The following DLGAP2 variants were observed in gnomAD, a reference collection of about 807,000 sequenced individuals.
DLGAP2 encodes the protein DLG associated protein 2, also known as disks large-associated protein 2.
In DLGAP2, 26 loss-of-function variants were observed where a neutral mutation model predicts 100.3. That is an observed-to-expected ratio of 0.26 (90% confidence interval 0.19 to 0.36). DLGAP2 has a LOEUF of 0.36. Among genes scored for constraint, DLGAP2 ranks in the 10% least tolerant of loss-of-function variants. The probability of loss-of-function intolerance (pLI) is 1.00; values close to 1 mark genes in which losing one functional copy is unlikely to be tolerated. For missense variants in DLGAP2, 1,858 were observed against 1,453.2 expected, an observed-to-expected ratio of 1.28 and a Z score of -4.53; for synonymous variants, 886 against 630.1, an observed-to-expected ratio of 1.41 and a Z score of -6.08.
intron 2 of DLGAP2, among the ~76,000 whole-genome samples, chr8:1,045,535 A>G (rs188224209): frequency 6.6e-6 from 1 of 152,294 alleles, no homozygotes; most frequent in Non-Finnish European, 1.5e-5. Flanking sequence ...GCAGTTTTCC[A>G]CTATGCAGTG....
intron 1 of DLGAP2, among the ~76,000 whole-genome samples, chr8:867,252 A>G (rs1321265407): frequency 6.6e-6 from 1 of 152,232 alleles, no homozygotes; most frequent in Non-Finnish European, 1.5e-5. Flanking sequence ...GGATGCAACC[A>G]GCTCTTTGCT....
chr8:919,885 A>C (rs1239057716), intron 2 of DLGAP2, among the ~76,000 whole-genome samples: 1 of 152,156 alleles, frequency 6.6e-6, no homozygotes, highest in Non-Finnish European at 1.5e-5. Flanking sequence ...TTAAAATGGA[A>C]ATGTCTTTGA....
At chr8:1,515,545 C>T (rs984832997) in intron 4 of DLGAP2, among the ~76,000 whole-genome samples, 11 of 152,150 alleles carry the variant, frequency 7.2e-5, no homozygotes, top group African/African-American at 2.7e-4. Context: ...CATGCAGATG[C>T]ACACAAACAC....
At chr8:1,613,542 T>TA (rs35540568) in intron 6 of DLGAP2, among the ~76,000 whole-genome samples, 35,655 of 135,670 alleles carry the variant, frequency 0.26, 4,576 homozygotes, top group East Asian at 0.48. Flanking sequence ...TAAAGTATAA[T>TA]AAAAAAAAAA....
At chr8:1,310,058 CAAAAAAA>C (rs3052029) in intron 3 of DLGAP2, among the ~76,000 whole-genome samples, 2 of 105,708 alleles carry the variant, frequency 1.9e-5, no homozygotes, top group African/African-American at 6.3e-5. Context: ...GTCTCCATCT[CAAAAAAA>C]AAAAAAAAAA....
intron 5 of DLGAP2, among the ~76,000 whole-genome samples, chr8:1,556,664 C>G (rs1220586163): frequency 2.6e-5 from 4 of 152,202 alleles, no homozygotes; most frequent in Non-Finnish European, 5.9e-5. Flanking sequence ...TAAGTTATCC[C>G]TTGTCTGTCT....
At chr8:1,675,828 G>GTT (rs75974060) in intron 10 of DLGAP2, among the ~76,000 whole-genome samples, 7 of 140,470 alleles carry the variant, frequency 5.0e-5, no homozygotes, top group Admixed American at 1.4e-4. Flanking sequence ...GTTTGGTTTT[G>GTT]TTTTTTTTTT....
chr8:852,883 C>A (rs867579098), intron 1 of DLGAP2, among the ~76,000 whole-genome samples: 1 of 151,764 alleles, frequency 6.6e-6, no homozygotes. Context: ...GTTTATGGAT[C>A]CCCTGGCCGA....
At chr8:998,437 A>T (rs1800849929) in intron 2 of DLGAP2, among the ~76,000 whole-genome samples, 1 of 150,420 alleles carries the variant, frequency 6.6e-6, no homozygotes, top group Admixed American at 6.6e-5. Flanking sequence ...CATGGCTGGG[A>T]CTACAGGTGT....
At chr8:939,078 CAG>C (rs1491369453) in intron 2 of DLGAP2, among the ~76,000 whole-genome samples, 1 of 142,388 alleles carries the variant, frequency 7.0e-6, no homozygotes, top group African/African-American at 2.6e-5. Flanking sequence ...GGTGCAGACA[CAG>C]GGGCTGGGGT....
chr8:1,431,022 C>G (rs1439118723), intron 3 of DLGAP2, among the ~76,000 whole-genome samples: 1 of 152,062 alleles, frequency 6.6e-6, no homozygotes, highest in Non-Finnish European at 1.5e-5. Flanking sequence ...GCCCCTCTTA[C>G]GGAAAGGAAC....
intron 3 of DLGAP2, among the ~76,000 whole-genome samples, chr8:1,432,494 A>T (rs752180762): frequency 6.6e-6 from 1 of 152,214 alleles, no homozygotes; most frequent in Non-Finnish European, 1.5e-5. Flanking sequence ...ATTGTCTTGA[A>T]ATTGCCACTG....
At chr8:1,061,284 C>T (rs564854940) in intron 2 of DLGAP2, among the ~76,000 whole-genome samples, 4 of 152,206 alleles carry the variant, frequency 2.6e-5, no homozygotes, top group Non-Finnish European at 2.9e-5. Flanking sequence ...AAAATATGCC[C>T]GAACACCTGC....
chr8:1,007,059 C>T (rs949626715), intron 2 of DLGAP2, among the ~76,000 whole-genome samples: 7 of 151,722 alleles, frequency 4.6e-5, no homozygotes, highest in Non-Finnish European at 7.4e-5. Flanking sequence ...GTTGGGGACA[C>T]CTTGTGTCTG....
chr8:1,463,303 C>T (rs1482503361), intron 3 of DLGAP2, among the ~76,000 whole-genome samples: 2 of 152,258 alleles, frequency 1.3e-5, no homozygotes, highest in African/African-American at 4.8e-5. Flanking sequence ...GCGGCCCCAG[C>T]GTTTGTGCTG....
intron 2 of DLGAP2, among the ~76,000 whole-genome samples, chr8:1,205,334 A>G (rs1797967822): frequency 6.6e-6 from 1 of 152,114 alleles, no homozygotes; most frequent in Non-Finnish European, 1.5e-5. Flanking sequence ...CCTGTTCCTC[A>G]GGGTCTTGGC....
intron 2 of DLGAP2, among the ~76,000 whole-genome samples, chr8:1,146,565 A>T (rs905276137): frequency 6.7e-6 from 1 of 149,948 alleles, no homozygotes; most frequent in Admixed American, 6.8e-5. Flanking sequence ...GTGTGTGTGC[A>T]CATGTGTGTG....
Position 1,677,025 on chromosome 8 carries a change from A to C in DLGAP2, c.2288+407A>C, listed in dbSNP as rs547066717. Among the ~76,000 whole-genome samples the C allele has an allele frequency of 4.6e-5, 7 of 152,368 alleles. No individual in the cohort carries two copies. The South Asian group carries it at 1.4e-3, about 32-fold the overall frequency. On this transcript the variant is annotated intron_variant, in intron 11 of 14. Coordinates refer to ENST00000637795, the MANE Select transcript of DLGAP2 (RefSeq NM_001346810.2). ...TACACCGTGAAATTGTTTCACTTCA[A>C]AAATATTACCTAGAAACAAAAAATA...
chr8:1,665,507 T>C (rs1296635046), intron 8 of DLGAP2, among the ~76,000 whole-genome samples: 1 of 151,426 alleles, frequency 6.6e-6, no homozygotes, highest in African/African-American at 2.5e-5. Flanking sequence ...ATATCACCTT[T>C]CTGCTCATCT....
Sources: allele counts gnomAD v4.1 joint callset (sites outside exome capture counted in the v4.1 genomes callset), GRCh38; gene constraint gnomAD v4.1.1; transcripts MANE v1.5; gene names NCBI Gene and HGNC (gene_info 2026-07-23, HGNC 2026-07-21).